COL25A1: variants seen among roughly 807,000 people sequenced by gnomAD.
COL25A1 encodes the protein collagen type XXV alpha 1 chain.
In COL25A1, 103 loss-of-function variants were observed where a neutral mutation model predicts 128.4. The ratio of observed to expected loss-of-function variants is 0.80; its 90% confidence interval spans 0.68 to 0.94. The LOEUF is 0.94. Ranked by LOEUF, COL25A1 falls within the 40% of genes least tolerant of loss-of-function variation. COL25A1 has a pLI of 0.00. For synonymous variants in COL25A1, 279 were observed against 277.2 expected (o/e 1.01, Z -0.06); for missense variants, 745 against 840.0 (o/e 0.89, Z 1.40).
intron 3 of COL25A1, among the ~76,000 whole-genome samples, chr4:109,290,720 T>C (rs1485443614): frequency 1.3e-5 from 2 of 152,036 alleles, no homozygotes; most frequent in African/African-American, 2.4e-5. Context: ...ATTGGAAGAA[T>C]TGTCTTGGAC....
chr4:109,239,420 A>ATT (rs71594168), intron 3 of COL25A1, among the ~76,000 whole-genome samples: 9,551 of 123,692 alleles, frequency 0.077, 453 homozygotes, highest in East Asian at 0.21. Context: ...ATATATATAT[A>ATT]TATTTATTTA....
intron 3 of COL25A1, among the ~76,000 whole-genome samples, chr4:109,216,318 G>C (rs1157506401): frequency 6.6e-6 from 1 of 151,878 alleles, no homozygotes; most frequent in Non-Finnish European, 1.5e-5. Flanking sequence ...AGGAAAGACG[G>C]AAGGAAGGAA....
intron 3 of COL25A1, among the ~76,000 whole-genome samples, chr4:109,056,215 A>G (rs1761433094): frequency 1.3e-5 from 2 of 152,104 alleles, no homozygotes; most frequent in Non-Finnish European, 2.9e-5. Context: ...CAAATGTGTG[A>G]GGGACTATTT....
chr4:109,080,441 A>C (rs976008497), intron 3 of COL25A1, among the ~76,000 whole-genome samples: 3 of 152,148 alleles, frequency 2.0e-5, no homozygotes, highest in African/African-American at 7.2e-5. Flanking sequence ...GGGATAAATC[A>C]CCTGTAGGAC....
chr4:108,977,286 C>A (rs964993831), intron 6 of COL25A1, among the ~76,000 whole-genome samples: 1 of 152,096 alleles, frequency 6.6e-6, no homozygotes, highest in Non-Finnish European at 1.5e-5. Flanking sequence ...CTTTATAAAA[C>A]CTTTTTATCT....
chr4:109,275,207 A>G (rs1722709195), intron 3 of COL25A1, among the ~76,000 whole-genome samples: 1 of 152,170 alleles, frequency 6.6e-6, no homozygotes, highest in Non-Finnish European at 1.5e-5. Context: ...TGCATGTAGC[A>G]TGGCTGGGAA....
intron 3 of COL25A1, among the ~76,000 whole-genome samples, chr4:109,244,099 C>T (rs376114486): frequency 1.3e-5 from 2 of 151,592 alleles, no homozygotes; most frequent in East Asian, 3.9e-4. Flanking sequence ...AAACACTGTC[C>T]TCTTTATCTA....
At chr4:109,057,062 G>GT (rs1761511455) in intron 3 of COL25A1, among the ~76,000 whole-genome samples, 1 of 152,118 alleles carries the variant, frequency 6.6e-6, no homozygotes, top group African/African-American at 2.4e-5. Context: ...GTCTCACTGT[G>GT]TTGCCCAGGC....
chr4:108,924,884 T>A (rs1473214816), intron 11 of COL25A1, among the ~76,000 whole-genome samples: 1 of 152,196 alleles, frequency 6.6e-6, no homozygotes, highest in African/African-American at 2.4e-5. Flanking sequence ...CTCTCCTGCA[T>A]CCATTCCAAA....
intron 27 of COL25A1, 79 bp from the exon 28 acceptor site, chr4:108,846,298 G>T: frequency 1.7e-6 from 1 of 597,734 alleles, no homozygotes; most frequent in South Asian, 1.8e-5. Context: ...ACAGAATTCC[G>T]ATCAATTTCG....
intron 3 of COL25A1, among the ~76,000 whole-genome samples, chr4:109,215,389 T>C (rs1299082816): frequency 6.6e-6 from 1 of 152,146 alleles, no homozygotes; most frequent in Non-Finnish European, 1.5e-5. Context: ...CACCATAATA[T>C]TTCTGTAAAA....
At chr4:109,223,406 C>T (rs750593998) in intron 3 of COL25A1, among the ~76,000 whole-genome samples, 4 of 151,908 alleles carry the variant, frequency 2.6e-5, no homozygotes, top group Non-Finnish European at 5.9e-5. Flanking sequence ...TTTCCCCCCC[C>T]CAAAAAAAAC....
chr4:109,207,116 C>T (rs556035178), intron 3 of COL25A1, among the ~76,000 whole-genome samples: 60 of 152,262 alleles, frequency 3.9e-4, no homozygotes, highest in African/African-American at 1.1e-3. Flanking sequence ...GGCTAACTTC[C>T]TATTTACCTT....
At chr4:108,889,641 G>T in intron 17 of COL25A1, 60 bp downstream of exon 17, 2 of 1,420,476 alleles carry the variant, frequency 1.4e-6, no homozygotes, top group Non-Finnish European at 2.0e-6. Flanking sequence ...AGAAAGTAGA[G>T]GCCTATAAAA....
At chr4:109,275,773 T>C (rs543266300) in intron 3 of COL25A1, among the ~76,000 whole-genome samples, 1 of 152,184 alleles carries the variant, frequency 6.6e-6, no homozygotes, top group East Asian at 1.9e-4. Context: ...CTCTGTAAAG[T>C]TTTTTTTAGA....
chr4:108,819,315 A>T lies in COL25A1; in HGVS notation c.1860T>A (p.Val620=). The part of the protein sequence containing the change: ...GEKGEKGFRG[V]KGEKGEPGQP... ...GGCCTGGCTCCCCTTTTTCCCCCTT[A>T]ACGCCACGGAATCCCTGTTTGTAAA... is the stretch of plus-strand genomic sequence containing the variant. Residue 620 remains valine (V), a synonymous_variant, in exon 36 of 38, where the codon GTT becomes GTA. Transcript: ENST00000399132. 1 of 1,612,770 alleles carries T rather than the reference A, an allele frequency of 6.2e-7. No individual in the cohort carries two copies. Among genetic ancestry groups the T allele is most frequent in the Middle Eastern group, 1.7e-4 (1 of 6,050 alleles).
At chr4:109,297,862 C>CTTTTTTTTTTTTT (rs35099153) in intron 3 of COL25A1, among the ~76,000 whole-genome samples, 19 of 63,862 alleles carry the variant, frequency 3.0e-4, no homozygotes, top group East Asian at 1.0e-3. Context: ...TTTTCCTTTT[C>CTTTTTTTTTTTTT]TTTTTTTTTT....
At chr4:109,189,430 C>G (rs1775401083) in intron 3 of COL25A1, among the ~76,000 whole-genome samples, 1 of 151,596 alleles carries the variant, frequency 6.6e-6, no homozygotes, top group African/African-American at 2.4e-5. Context: ...CACCTGTAAT[C>G]CCAGCTACTC....
intron 5 of COL25A1, among the ~76,000 whole-genome samples, chr4:109,018,141 T>A (rs1757385642): frequency 6.6e-6 from 1 of 152,146 alleles, no homozygotes; most frequent in Non-Finnish European, 1.5e-5. Flanking sequence ...TCTGAGCAGC[T>A]GCAGGATTGT....
Sources: allele counts gnomAD v4.1 joint callset (sites outside exome capture counted in the v4.1 genomes callset), GRCh38; gene constraint gnomAD v4.1.1; transcripts MANE v1.5; gene names NCBI Gene and HGNC (gene_info 2026-07-23, HGNC 2026-07-21).